Variants in TRPM7 observed in about 807,000 individuals in gnomAD.
TRPM7 encodes the protein LTRPC ion channel family member 7.
In TRPM7, 134 loss-of-function variants were observed where a neutral mutation model predicts 229.7. The ratio of observed to expected loss-of-function variants is 0.58; its 90% CI spans 0.51 to 0.67. The LOEUF (loss-of-function observed/expected upper bound fraction) is 0.67. Among genes scored for constraint, TRPM7 ranks in the 30% least tolerant of loss-of-function variants. TRPM7 has a pLI of 0.00. For missense variants in TRPM7, 1,901 were observed against 2,210.0 expected, an observed-to-expected ratio of 0.86 and a Z score of 2.80; for synonymous variants, 699 against 715.2, an observed-to-expected ratio of 0.98 and a Z score of 0.36.
At chr15:50,623,244 T>C (rs1238829494) in intron 12 of TRPM7, among the ~76,000 whole-genome samples, 1 of 151,600 alleles carries the variant, frequency 6.6e-6, no homozygotes, top group African/African-American at 2.4e-5. Context: ...AAACCCCGAC[T>C]CTACTAAAAA....
intron 7 of TRPM7, among the ~76,000 whole-genome samples, chr15:50,634,904 A>C (rs1320779897): frequency 6.6e-6 from 1 of 152,240 alleles, no homozygotes; most frequent in Non-Finnish European, 1.5e-5. Flanking sequence ...CTTGACGTGA[A>C]ATGTAAACAG....
At position 50,560,035 on chromosome 15, in the gene TRPM7, G is replaced by GTA. The variant is rs1002998831; in HGVS notation, c.*1641_*1642dup. The GTA allele has an allele frequency of 3.6e-5, 4 of 112,496 alleles. No homozygotes were observed. Among genetic ancestry groups the GTA allele is most frequent in the Admixed American group, 3.5e-4 (4 of 11,272 alleles). The allele number at this position is 112,496 out of a possible 1,614,324, so 7.0% of individuals were successfully genotyped here. A position where few individuals can be genotyped will look rare whatever the true frequency, so the allele number is the denominator to read the frequency against. Reference sequence around the variant, plus strand: ...CTCAAAAAAAAAAAAAAAAAAAAAAGTATAGCTACTATTATAATCCTGTGA... The same window carrying GTA: ...CTCAAAAAAAAAAAAAAAAAAAAAAGTATATAGCTACTATTATAATCCTGTGA... On this transcript the variant is annotated 3_prime_UTR_variant, in exon 39 of 39. Transcript: ENST00000646667.
At chr15:50,563,561 A>C (rs1274019745) in intron 38 of TRPM7, among the ~76,000 whole-genome samples, 2 of 152,242 alleles carry the variant, frequency 1.3e-5, no homozygotes, top group African/African-American at 4.8e-5. Flanking sequence ...TGAATTGGCT[A>C]TGAAGGGCAA....
At chr15:50,635,081 A>G (rs933775931) in intron 7 of TRPM7, among the ~76,000 whole-genome samples, 1 of 150,120 alleles carries the variant, frequency 6.7e-6, no homozygotes, top group South Asian at 2.1e-4. Context: ...ACTTTCGGAG[A>G]CCAAGATGGA....
intron 30 of TRPM7, 29 bp from the exon 31 acceptor site, chr15:50,578,693 A>G: frequency 6.5e-7 from 1 of 1,546,964 alleles, no homozygotes; most frequent in Non-Finnish European, 8.8e-7. Flanking sequence ...ATATAGTATA[A>G]GCTGTGCTAT....
intron 1 of TRPM7, 66 bp from the exon 2 acceptor site, chr15:50,663,112 ATGATAAACACATAAACAGTTCTTTTTT>A: frequency 8.1e-7 from 1 of 1,235,042 alleles, no homozygotes; most frequent in South Asian, 1.3e-5. Flanking sequence ...AAACAATTTC[ATGATAAACACATAAACAGTTCTTTTTT>A]TTTTTTGAGA....
intron 23 of TRPM7, among the ~76,000 whole-genome samples, chr15:50,595,916 A>G (rs2059617482): frequency 6.6e-6 from 1 of 150,824 alleles, no homozygotes; most frequent in Non-Finnish European, 1.5e-5. Context: ...GTTTACATAT[A>G]TTTGCAAAAA....
chr15:50,635,958 G>A lies in TRPM7; in HGVS notation c.833-1402C>T, dbSNP rs79771230. On this transcript the variant is annotated intron_variant, in intron 7 of 38. Coordinates refer to ENST00000646667, the MANE Select transcript of TRPM7 (RefSeq NM_017672.6). ...CGGGCCACTGCACAACAGCCAGGGCGACAGTGCGAGACTCCATCTCAAAAA... is the reference window on the plus strand; with the variant it reads ...CGGGCCACTGCACAACAGCCAGGGCAACAGTGCGAGACTCCATCTCAAAAA... 5.0e-3 allele frequency among the ~76,000 whole-genome samples: 749 copies of A among 151,066 alleles called. 11 individuals carry two copies. The highest frequency in any genetic ancestry group is 0.039 in the East Asian group (201 of 5,136).
chr15:50,616,189 AT>A (rs1401871357), intron 13 of TRPM7, among the ~76,000 whole-genome samples: 2 of 152,182 alleles, frequency 1.3e-5, no homozygotes, highest in African/African-American at 4.8e-5. Flanking sequence ...TGTCATGACG[AT>A]CAAGTTCTCA....
intron 15 of TRPM7, among the ~76,000 whole-genome samples, chr15:50,613,057 A>G (rs1215639753): frequency 6.6e-6 from 1 of 152,228 alleles, no homozygotes; most frequent in Non-Finnish European, 1.5e-5. Context: ...TAAGGGCCTA[A>G]ATATTTCAAC....
chr15:50,584,979 G>C lies in TRPM7; in HGVS notation c.4486+1413C>G, dbSNP rs3101857. 2.0e-5 allele frequency among the ~76,000 whole-genome samples: 3 copies of C among 150,678 alleles called. No homozygotes were observed. In the South Asian group the frequency reaches 6.3e-4, roughly 32 times the overall value. ...CAACCTCCATCTCCTGGGTTCAAGC[G>C]ATTCTTCTTCCTCAGCCTCCCGAGT... On this transcript the variant is annotated intron_variant, in intron 28 of 38. Coordinates refer to ENST00000646667, the MANE Select transcript of TRPM7 (RefSeq NM_017672.6).
intron 26 of TRPM7, among the ~76,000 whole-genome samples, chr15:50,591,152 A>G (rs1168147231): frequency 6.6e-6 from 1 of 152,192 alleles, no homozygotes; most frequent in East Asian, 1.9e-4. Context: ...AAATAGGTAC[A>G]CCATAAGTAC....
At chr15:50,666,087 AAAATT>A (rs2061872392) in intron 1 of TRPM7, among the ~76,000 whole-genome samples, 3 of 152,216 alleles carry the variant, frequency 2.0e-5, no homozygotes, top group Non-Finnish European at 1.5e-5. Context: ...GGAAAGAAAT[AAAATT>A]AAAGAAAAAA....
chr15:50,600,044 A>G (rs893766360), intron 21 of TRPM7, among the ~76,000 whole-genome samples: 7 of 152,362 alleles, frequency 4.6e-5, no homozygotes, highest in Non-Finnish European at 8.8e-5. Flanking sequence ...CAAAGAATTA[A>G]GCAGAATGCT....
intron 29 of TRPM7, among the ~76,000 whole-genome samples, chr15:50,582,823 G>A (rs140046872): frequency 6.6e-6 from 1 of 152,150 alleles, no homozygotes; most frequent in Non-Finnish European, 1.5e-5. Flanking sequence ...CATTATCGCA[G>A]TTAGCTGGAA....
chr15:50,668,900 C>T (rs868264719), intron 1 of TRPM7, among the ~76,000 whole-genome samples: 1 of 152,170 alleles, frequency 6.6e-6, no homozygotes, highest in East Asian at 1.9e-4. Context: ...AAGGCTTTGA[C>T]TGGAATGATG....
intron 15 of TRPM7, among the ~76,000 whole-genome samples, chr15:50,613,159 T>A (rs2060110402): frequency 6.6e-6 from 1 of 152,034 alleles, no homozygotes; most frequent in African/African-American, 2.4e-5. Context: ...ATGAAAGGAG[T>A]CAGGTAAACA....
intron 13 of TRPM7, among the ~76,000 whole-genome samples, chr15:50,618,386 T>C (rs200809810): frequency 2.6e-4 from 40 of 152,052 alleles, no homozygotes; most frequent in East Asian, 1.7e-3. Context: ...CTGGCTAACA[T>C]GGTGAAACCC....
At chr15:50,561,891 G>A in intron 38 of TRPM7, 83 bp from the exon 39 acceptor site, 1 of 1,330,168 alleles carries the variant, frequency 7.5e-7, no homozygotes, top group South Asian at 1.6e-5. Context: ...TGGAGAATTA[G>A]GAACCTTTTA....
Sources: allele counts gnomAD v4.1 joint callset (sites outside exome capture counted in the v4.1 genomes callset), GRCh38; gene constraint gnomAD v4.1.1; transcripts MANE v1.5; gene names NCBI Gene and HGNC (gene_info 2026-07-23, HGNC 2026-07-21).